GPM6A: variants seen among roughly 807,000 people sequenced by gnomAD.
GPM6A encodes the protein glycoprotein M6A.
In GPM6A, 7 loss-of-function variants were observed where a neutral mutation model predicts 32.1. The observed-to-expected ratio is 0.22, with a 90% CI of 0.12 to 0.41. The LOEUF is 0.41. Ranked by LOEUF, GPM6A falls within the 10% of genes least tolerant of loss-of-function variation. The probability of loss-of-function intolerance (pLI) is 1.00; values close to 1 mark genes in which losing one functional copy is unlikely to be tolerated. For synonymous variants in GPM6A, 130 were observed against 123.4 expected, an observed-to-expected ratio of 1.05 and a Z score of -0.35; for missense variants, 235 against 347.2, an observed-to-expected ratio of 0.68 and a Z score of 2.57.
At chr4:175,831,836 A>G (rs1405366097) in intron 1 of GPM6A, among the ~76,000 whole-genome samples, 1 of 144,010 alleles carries the variant, frequency 6.9e-6, no homozygotes, top group Non-Finnish European at 1.5e-5. Context: ...CTCCTGCCTC[A>G]GCCTCCCGAG....
intron 1 of GPM6A, chr4:175,800,970 A>G (rs150399618): frequency 2.8e-4 from 54 of 195,582 alleles, no homozygotes; most frequent in African/African-American, 1.2e-3. Flanking sequence ...CATTCTGTCT[A>G]CATTAAGACA....
intron 3 of GPM6A, among the ~76,000 whole-genome samples, chr4:175,667,014 CA>C (rs1742790779): frequency 6.6e-6 from 1 of 152,160 alleles, no homozygotes; most frequent in Non-Finnish European, 1.5e-5. Flanking sequence ...GAGGGCATCA[CA>C]TTCTACAATT....
chr4:175,844,646 C>A (rs1221874208), intron 1 of GPM6A, among the ~76,000 whole-genome samples: 3 of 152,046 alleles, frequency 2.0e-5, no homozygotes, highest in Non-Finnish European at 4.4e-5. Flanking sequence ...TCAGGAAGAC[C>A]TTAGTGATCA....
intron 1 of GPM6A, among the ~76,000 whole-genome samples, chr4:175,724,621 G>T (rs543936942): frequency 6.6e-5 from 10 of 152,164 alleles, no homozygotes; most frequent in Non-Finnish European, 1.3e-4. Context: ...GGCAGAATAG[G>T]GAGAAGCTGG....
At chr4:175,855,458 G>GA (rs966675218) in intron 1 of GPM6A, among the ~76,000 whole-genome samples, 5 of 152,112 alleles carry the variant, frequency 3.3e-5, no homozygotes, top group Admixed American at 1.3e-4. Flanking sequence ...ACAAATGTAT[G>GA]AAAAAAACTT....
intron 1 of GPM6A, among the ~76,000 whole-genome samples, chr4:175,948,606 C>T (rs1739692522): frequency 6.6e-6 from 1 of 152,098 alleles, no homozygotes; most frequent in Non-Finnish European, 1.5e-5. Context: ...ATGATCAATC[C>T]ATCAAACTTT....
At chr4:175,983,717 C>T (rs983772072) in intron 1 of GPM6A, among the ~76,000 whole-genome samples, 1 of 152,062 alleles carries the variant, frequency 6.6e-6, no homozygotes, top group African/African-American at 2.4e-5. Flanking sequence ...CATCTATGCT[C>T]CTGAGATATA....
At chr4:175,978,923 T>C (rs1286762733) in intron 1 of GPM6A, among the ~76,000 whole-genome samples, 1 of 152,066 alleles carries the variant, frequency 6.6e-6, no homozygotes, top group Non-Finnish European at 1.5e-5. Flanking sequence ...TTGTATCTAT[T>C]TTATCAAAGC....
intron 1 of GPM6A, among the ~76,000 whole-genome samples, chr4:175,769,031 G>T (rs1733086453): frequency 6.6e-6 from 1 of 152,100 alleles, no homozygotes; most frequent in South Asian, 2.1e-4. Flanking sequence ...GGAGGTGGAG[G>T]TTGCAGAGAG....
chr4:175,775,355 TTC>T (rs1418746868), intron 1 of GPM6A, among the ~76,000 whole-genome samples: 3 of 152,136 alleles, frequency 2.0e-5, no homozygotes, highest in African/African-American at 7.2e-5. Flanking sequence ...ACAAAGTGTT[TTC>T]TCTGTTTTGA....
intron 1 of GPM6A, among the ~76,000 whole-genome samples, chr4:175,916,659 T>G (rs928136260): frequency 6.6e-6 from 1 of 152,128 alleles, no homozygotes; most frequent in African/African-American, 2.4e-5. Flanking sequence ...AGTGTATACA[T>G]TATGGGGGGA....
At chr4:175,902,399 A>T (rs1737995969) in intron 1 of GPM6A, among the ~76,000 whole-genome samples, 1 of 152,210 alleles carries the variant, frequency 6.6e-6, no homozygotes, top group South Asian at 2.1e-4. Context: ...AGCTGCAGAC[A>T]TAAATAAGCA....
chr4:175,822,402 G>C (rs1452087671), intron 1 of GPM6A, among the ~76,000 whole-genome samples: 1 of 151,742 alleles, frequency 6.6e-6, no homozygotes, highest in African/African-American at 2.4e-5. Context: ...TAAAATTTTT[G>C]GTATATCCAA....
chr4:175,637,730 T>TTA (rs1740868429), intron 6 of GPM6A, among the ~76,000 whole-genome samples: 1 of 10,246 alleles, frequency 9.8e-5, no homozygotes, highest in Non-Finnish European at 2.8e-4. Context: ...TATAATATAT[T>TTA]ATATATTATA....
chr4:175,675,075 A>C (rs1743291391), intron 2 of GPM6A, among the ~76,000 whole-genome samples: 1 of 152,074 alleles, frequency 6.6e-6, no homozygotes, highest in African/African-American at 2.4e-5. Flanking sequence ...TAACATTAAG[A>C]ACAATTAGTT....
chr4:175,971,213 C>T (rs1483283283), intron 1 of GPM6A, among the ~76,000 whole-genome samples: 1 of 151,024 alleles, frequency 6.6e-6, no homozygotes, highest in Non-Finnish European at 1.5e-5. Flanking sequence ...GCAAGGTTAA[C>T]TCTGCTGCTG....
chr4:175,842,015 A>G (rs1013417561), intron 1 of GPM6A, among the ~76,000 whole-genome samples: 4 of 152,166 alleles, frequency 2.6e-5, no homozygotes, highest in Non-Finnish European at 5.9e-5. Context: ...CATTTAAAAG[A>G]ATCACTATTA....
At chr4:175,841,397 G>T (rs1252681684) in intron 1 of GPM6A, among the ~76,000 whole-genome samples, 2 of 152,084 alleles carry the variant, frequency 1.3e-5, no homozygotes, top group Middle Eastern at 3.4e-3. Context: ...AAATTGGAAC[G>T]TCCCCCACCC....
intron 1 of GPM6A, among the ~76,000 whole-genome samples, chr4:175,791,565 TATTTAA>T (rs1734014822): frequency 6.6e-6 from 1 of 152,204 alleles, no homozygotes; most frequent in Non-Finnish European, 1.5e-5. Flanking sequence ...TAAATTTGCA[TATTTAA>T]AATTGAACTC....
Sources: gnomAD v4.1 joint callset for allele counts (sites outside exome capture counted in the v4.1 genomes callset) on GRCh38, gnomAD v4.1.1 for gene constraint, MANE v1.5 for transcripts, NCBI Gene and HGNC (gene_info 2026-07-23, HGNC 2026-07-21) for gene names.